EBF3: variants seen among roughly 807,000 people sequenced by gnomAD.
EBF3 encodes transcription factor COE3.
Under a neutral mutation model 77.1 loss-of-function variants are expected in EBF3, and 18 were observed. That is an observed-to-expected ratio of 0.23 (90% CI 0.16 to 0.35). The LOEUF is 0.35. EBF3 is among the 10% of genes least tolerant of loss of function. The pLI is 1.00. For synonymous variants in EBF3, 350 were observed against 343.5 expected (o/e 1.02, Z -0.21); for missense variants, 558 against 860.0 (o/e 0.65, Z 4.39).
chr10:129,844,084 G>A (rs560238252), intron 11 of EBF3, among the ~76,000 whole-genome samples: 19 of 152,284 alleles, frequency 1.2e-4, no homozygotes, highest in South Asian at 1.2e-3. Context: ...CATGGAAGAC[G>A]GGCAGAGAGT....
At chr10:129,923,453 TG>T (rs1856448389) in intron 6 of EBF3, among the ~76,000 whole-genome samples, 2 of 152,134 alleles carry the variant, frequency 1.3e-5, no homozygotes, top group South Asian at 4.1e-4. Context: ...TACAGACCAA[TG>T]GGACAGAATG....
At chr10:129,929,687 CG>C (rs1050406469) in intron 6 of EBF3, among the ~76,000 whole-genome samples, 4 of 152,216 alleles carry the variant, frequency 2.6e-5, no homozygotes, top group Non-Finnish European at 5.9e-5. Flanking sequence ...GCTTTGTCCA[CG>C]AGAGAGGGCC....
intron 6 of EBF3, among the ~76,000 whole-genome samples, chr10:129,954,510 T>C (rs1183435290): frequency 1.3e-5 from 2 of 151,740 alleles, no homozygotes; most frequent in Admixed American, 1.3e-4. Flanking sequence ...AATTAATTGA[T>C]TTAAGGCATC....
intron 6 of EBF3, among the ~76,000 whole-genome samples, chr10:129,949,512 C>T (rs137978088): frequency 2.0e-5 from 3 of 152,270 alleles, no homozygotes; most frequent in Non-Finnish European, 2.9e-5. Flanking sequence ...CGTGGGGGAA[C>T]GTGACCTTTG....
rs1320823221 is a variant in EBF3, at chr10:129,947,144, A to G, written c.554+10114T>C. Among the ~76,000 whole-genome samples the G allele has an allele frequency of 1.3e-5, 2 of 152,252 alleles. No individual in the cohort carries two copies. Among genetic ancestry groups the G allele is most frequent in the Non-Finnish European group, 2.9e-5 (2 of 68,042 alleles). ...CTTCATTGAGAAAATGGAAATGGAC[A>G]GGGAGCTCCCTTTGGCAGCATTTCC... On this transcript the variant is annotated intron_variant, in intron 6 of 16. Transcript: ENST00000440978. This position sits in a 1 kb window ranked among gnomAD's most constrained non-coding sequence, Gnocchi z 4.5.
chr10:129,902,930 G>A (rs977728597), intron 6 of EBF3, among the ~76,000 whole-genome samples: 11 of 152,312 alleles, frequency 7.2e-5, no homozygotes, highest in African/African-American at 2.6e-4. Flanking sequence ...TCACATCCAA[G>A]AGACGGCGGC....
In EBF3 at chr10:129,883,809, G is replaced by A. The variant is rs558374417; in HGVS notation, c.555-5960C>T. On this transcript the variant is annotated intron_variant, in intron 6 of 16. Coordinates refer to ENST00000440978, the MANE Select transcript of EBF3 (RefSeq NM_001375380.1). Reference sequence around the variant, plus strand: ...TCGTGGGTACAGGGTTTCCTCTTGTGGGGGTAACGGGGACATTTGGAACTA... The same window carrying A: ...TCGTGGGTACAGGGTTTCCTCTTGTAGGGGTAACGGGGACATTTGGAACTA... Among the ~76,000 whole-genome samples the A allele has an allele frequency of 2.6e-5, 4 of 152,322 alleles. 1 individual carries two copies. The highest frequency in any genetic ancestry group is 9.6e-5 in the African/African-American group (4 of 41,570).
intron 6 of EBF3, among the ~76,000 whole-genome samples, chr10:129,908,742 C>T (rs575780514): frequency 6.6e-6 from 1 of 152,358 alleles, no homozygotes; most frequent in East Asian, 1.9e-4. Flanking sequence ...GCTATGCACA[C>T]ATGTGGCTGC....
chr10:129,916,407 C>T (rs965221980), intron 6 of EBF3, among the ~76,000 whole-genome samples: 4 of 152,244 alleles, frequency 2.6e-5, no homozygotes, highest in Non-Finnish European at 5.9e-5. Flanking sequence ...CTAGGAAATG[C>T]TTGACCAGCC....
intron 6 of EBF3, among the ~76,000 whole-genome samples, chr10:129,936,516 G>A (rs1185502043): frequency 6.6e-6 from 1 of 152,162 alleles, no homozygotes; most frequent in African/African-American, 2.4e-5. Context: ...GCTATGCAGG[G>A]GACCCTCAGC....
At chr10:129,917,444 G>A (rs1430404276) in intron 6 of EBF3, among the ~76,000 whole-genome samples, 1 of 151,870 alleles carries the variant, frequency 6.6e-6, no homozygotes, top group African/African-American at 2.4e-5. Flanking sequence ...TACAATGATA[G>A]GTTTTTACTT....
chr10:129,915,363 T>G (rs191679541), intron 6 of EBF3, among the ~76,000 whole-genome samples: 2 of 152,122 alleles, frequency 1.3e-5, no homozygotes, highest in African/African-American at 4.8e-5. Context: ...GTGAGAAACC[T>G]CAACTCCCAA....
rs138715526 is a variant in EBF3 at position 129,867,208 on chromosome 10, G to A, written c.972C>T (p.Val324=). 24 of 1,614,142 alleles carry A rather than the reference G, an allele frequency of 1.5e-5. No individual in the cohort carries two copies. Among genetic ancestry groups the A allele is most frequent in the African/African-American group, 5.3e-5 (4 of 75,052 alleles). ...QTPPRHIPGV[V]EVTLSYKSKQ... is the part of the protein sequence containing the mutation. The stretch of plus-strand genomic sequence containing the variant: ...TGGATTTGTAGGAGAGGGTCACTTC[G>A]ACGACGCCAGGAATGTGCCTCGGCG... Residue 324 remains valine (V), a synonymous_variant, in exon 10 of 17, where the codon GTC becomes GTT. Transcript: ENST00000440978.
intron 6 of EBF3, among the ~76,000 whole-genome samples, chr10:129,945,567 G>A (rs922766979): frequency 1.3e-5 from 2 of 152,202 alleles, no homozygotes; most frequent in Non-Finnish European, 2.9e-5. Flanking sequence ...TGGGATTTGT[G>A]CTAATAAACT....
intron 10 of EBF3, among the ~76,000 whole-genome samples, chr10:129,851,066 T>C (rs1216987455): frequency 6.6e-6 from 1 of 152,236 alleles, no homozygotes; most frequent in African/African-American, 2.4e-5. Flanking sequence ...TGGGTAATTA[T>C]GAGGGGGAGA....
intron 6 of EBF3, among the ~76,000 whole-genome samples, chr10:129,906,715 T>C (rs994006296): frequency 2.0e-5 from 3 of 152,218 alleles, no homozygotes; most frequent in African/African-American, 7.2e-5. Flanking sequence ...AATTGTTTGA[T>C]TGAGAAGGGT....
chr10:129,868,285 A>G (rs945103349), intron 8 of EBF3, among the ~76,000 whole-genome samples: 1 of 152,218 alleles, frequency 6.6e-6, no homozygotes, highest in African/African-American at 2.4e-5. Flanking sequence ...AAGGAGATGG[A>G]AGAGCAAATG....
In EBF3 at chr10:129,839,117, A is replaced by C; in HGVS notation, c.1838T>G (p.Phe613Cys). Residue 613 changes from phenylalanine to cysteine, a missense_variant, in exon 16 of 17, where the codon TTT (phenylalanine) becomes TGT (cysteine). Phe to Cys is a radical substitution (Grantham distance 205). Around this residue, in one of 5 missense-constraint regions of EBF3, gnomAD observed 284 missense variants for 368.3 expected, o/e 0.77. Coordinates refer to ENST00000440978, the MANE Select transcript of EBF3 (RefSeq NM_001375380.1). ...TCCTTTTTTGAGCATTAGTTCATCA[A>C]AGTGAAATATGCCACCGACTTCACA... ...PFCEVGGIFHFDELMLKKGTG... is the reference protein window; with the variant it reads ...PFCEVGGIFHCDELMLKKGTG... 2 of 1,304,500 alleles carry C rather than the reference A, an allele frequency of 1.5e-6. No individual in the cohort carries two copies. Among genetic ancestry groups the C allele is most frequent in the Non-Finnish European group, 2.0e-6 (2 of 989,006 alleles). The allele number at this position is 1,304,500 out of a possible 1,614,324, so 80.8% of individuals were successfully genotyped here.
chr10:129,843,589 G>A (rs1850246850), intron 11 of EBF3, among the ~76,000 whole-genome samples: 1 of 152,208 alleles, frequency 6.6e-6, no homozygotes, highest in Non-Finnish European at 1.5e-5. Context: ...ACATTTGCCT[G>A]TTAATTCCTA....
Sources: allele counts gnomAD v4.1 joint callset (sites outside exome capture counted in the v4.1 genomes callset), GRCh38; gene constraint gnomAD v4.1.1; regional missense constraint gnomAD v4.1.1; non-coding constraint Gnocchi (gnomAD v3.1); transcripts MANE v1.5; gene names NCBI Gene and HGNC (gene_info 2026-07-23, HGNC 2026-07-21).